The following CFAP46 variants were observed in gnomAD, a reference collection of about 807,000 sequenced individuals.
CFAP46 encodes the protein cilia and flagella associated protein 46, also known as cilia- and flagella-associated protein 46.
Under a neutral mutation model 325.7 loss-of-function variants are expected in CFAP46, and 245 were observed. The ratio of observed to expected loss-of-function variants is 0.75; its 90% CI spans 0.68 to 0.84. CFAP46 has a LOEUF of 0.84. Among genes scored for constraint, CFAP46 ranks in the 40% least tolerant of loss-of-function variants. The pLI, the probability that CFAP46 is intolerant of heterozygous loss-of-function variation, is 0.00. For synonymous variants in CFAP46, 1,523 were observed against 1,495.9 expected, an observed-to-expected ratio of 1.02 and a Z score of -0.42; for missense variants, 3,346 against 3,543.0, an observed-to-expected ratio of 0.94 and a Z score of 1.41.
chr10:132,836,747 G>C (rs7915312), intron 45 of CFAP46, 70 bp downstream of exon 45: 108,368 of 1,339,216 alleles, frequency 0.081, 4,959 homozygotes, highest in African/African-American at 0.11. Context: ...GCAGCCCACG[G>C]CTGGGTCTCT....
Position 132,937,031 on chromosome 10 carries a change from G to A in CFAP46, c.685C>T (p.Leu229Phe). 1 of 1,532,800 alleles carries A rather than the reference G, an allele frequency of 6.5e-7. No individual in the cohort carries two copies. The highest frequency in any genetic ancestry group is 2.3e-5 in the East Asian group (1 of 43,184). The allele number at this position is 1,532,800 out of a possible 1,614,324, so 94.9% of individuals were successfully genotyped here. A position where few individuals can be genotyped will look rare whatever the true frequency, so the allele number is the denominator to read the frequency against. ...TTTTTCTTTTCTTCCTTTAACTGAA[G>A]TTCGTCCATTAATTCATGACGAACC... ...VMVRHELMDE[L>F]QLKEEKKNSI... Residue 229 changes from leucine to phenylalanine, a missense_variant, in exon 7 of 58, where the codon CTT becomes TTT. Transcript: ENST00000368586.
chr10:132,850,870 T>C (rs956651080), intron 40 of CFAP46, among the ~76,000 whole-genome samples: 3 of 152,026 alleles, frequency 2.0e-5, no homozygotes, highest in Non-Finnish European at 4.4e-5. Context: ...AATTCATGAG[T>C]CGGGAAGGGC....
At chr10:132,893,567 CT>C (rs2135450423) in intron 24 of CFAP46, among the ~76,000 whole-genome samples, 1 of 152,322 alleles carries the variant, frequency 6.6e-6, no homozygotes, top group Non-Finnish European at 1.5e-5. Context: ...AAAATCCTGC[CT>C]TTCTCACCCT....
At chr10:132,874,849 A>C (rs1848938704) in intron 31 of CFAP46, among the ~76,000 whole-genome samples, 1 of 152,250 alleles carries the variant, frequency 6.6e-6, no homozygotes. Context: ...CCTTTGAGAT[A>C]GGATGTGCAA....
At chr10:132,892,936 T>C (rs1849274372) in intron 24 of CFAP46, among the ~76,000 whole-genome samples, 1 of 152,140 alleles carries the variant, frequency 6.6e-6, no homozygotes, top group South Asian at 2.1e-4. Flanking sequence ...CATCAGGTGA[T>C]GGTCAGGCAG....
chr10:132,915,599 GCCGTGC>G (rs1849625385), intron 17 of CFAP46, among the ~76,000 whole-genome samples: 1 of 151,450 alleles, frequency 6.6e-6, no homozygotes, highest in Admixed American at 6.6e-5. Flanking sequence ...AGGGCGGGGC[GCCGTGC>G]CCAGCTTCTG....
At chr10:132,913,368 G>T (rs1407376329) in intron 17 of CFAP46, 110 bp from the exon 18 acceptor site, 1 of 540,494 alleles carries the variant, frequency 1.9e-6, no homozygotes, top group Non-Finnish European at 3.3e-6. Flanking sequence ...CAAGAAGTGG[G>T]AGGGGCGGGT....
rs562564159 is a variant in CFAP46, at chr10:132,868,181, G to C, written c.4611-674C>G. On this transcript the variant is annotated intron_variant, in intron 33 of 57. Coordinates refer to ENST00000368586, the MANE Select transcript of CFAP46 (RefSeq NM_001200049.3). ...GGCCACGCGCGTTCCAAGTCGAGGT[G>C]CCCCTTGCCGCCGAGACGTCGCTGC... Among the ~76,000 whole-genome samples, 1,407 of 152,222 alleles carry C rather than the reference G, an allele frequency of 9.2e-3. 12 individuals carry two copies. Among genetic ancestry groups the C allele is most frequent in the South Asian group, 0.044 (210 of 4,818 alleles).
intron 39 of CFAP46, among the ~76,000 whole-genome samples, chr10:132,851,825 A>G (rs7090577): frequency 0.66 from 94,889 of 143,294 alleles, 32,208 homozygotes; most frequent in African/African-American, 0.82. Context: ...CAAGGTATCC[A>G]CAGATCCTGA....
chr10:132,921,507 CT>C (rs1268214156), intron 13 of CFAP46, among the ~76,000 whole-genome samples: 1 of 152,232 alleles, frequency 6.6e-6, no homozygotes, highest in Non-Finnish European at 1.5e-5. Context: ...ATGGCTTCAG[CT>C]TTGACCCCCG....
At chr10:132,882,190 G>A (rs1163912761) in intron 27 of CFAP46, among the ~76,000 whole-genome samples, 2 of 148,114 alleles carry the variant, frequency 1.4e-5, no homozygotes, top group East Asian at 4.0e-4. Flanking sequence ...TGGGGTGTGA[G>A]TGGGATGTGG....
At position 132,831,554 on chromosome 10, in the gene CFAP46, C is replaced by T. The variant is rs144511819; in HGVS notation, c.7117+1804G>A. Among the ~76,000 whole-genome samples the T allele has an allele frequency of 3.9e-3, 591 of 152,290 alleles. 6 individuals carry two copies. The highest frequency in any genetic ancestry group is 0.013 in the African/African-American group (560 of 41,558). On this transcript the variant is annotated intron_variant, in intron 50 of 57. Coordinates refer to ENST00000368586, the MANE Select transcript of CFAP46 (RefSeq NM_001200049.3). ...CCACCTTTTTCTAATTTAATCTCACCATGCCAACCTTCTTTGGATACTAAG... is the reference window on the plus strand; with the variant it reads ...CCACCTTTTTCTAATTTAATCTCACTATGCCAACCTTCTTTGGATACTAAG...
At chr10:132,910,781 T>A (rs1849529733) in intron 19 of CFAP46, among the ~76,000 whole-genome samples, 1 of 152,168 alleles carries the variant, frequency 6.6e-6, no homozygotes. Flanking sequence ...CGTCCTTCCC[T>A]TTCCTCCCCT....
In CFAP46 at chr10:132,926,585, T is replaced by C. The variant is rs1564803361; in HGVS notation, c.1048A>G (p.Asn350Asp). ...GGACTGACCTCAACAGCCGCTCGGT[T>C]GTACACTTTCATCTTACTTTCAAGT... ...LRLESKMKVY[N>D]RAAVEAQLDI... The change falls in exon 10 of 58, where the codon AAC (asparagine) becomes GAC (aspartate). Residue 350 changes from asparagine to aspartate, a missense_variant. Physicochemically the swap from Asn to Asp is conservative, Grantham distance 23. Coordinates refer to ENST00000368586, the MANE Select transcript of CFAP46 (RefSeq NM_001200049.3). 6.5e-7 allele frequency: 1 copy of C among 1,536,086 alleles called. No homozygotes were observed. Among genetic ancestry groups the C allele is most frequent in the Non-Finnish European group, 8.7e-7 (1 of 1,146,826 alleles).
rs980504204 is a variant in CFAP46, at chr10:132,847,866, C to T, written c.5953-545G>A. 3.3e-5 allele frequency among the ~76,000 whole-genome samples: 5 copies of T among 152,110 alleles called. No individual in the cohort carries two copies. Among genetic ancestry groups the T allele is most frequent in the Non-Finnish European group, 5.9e-5 (4 of 68,034 alleles). On this transcript the variant is annotated intron_variant, in intron 41 of 57. Coordinates refer to ENST00000368586, the MANE Select transcript of CFAP46 (RefSeq NM_001200049.3). The surrounding 1 kb of genome is among the most constrained non-coding windows in gnomAD (Gnocchi z 5.2). ...TCTATATATGCACCCAATGATCAGG[C>T]GTCAAAATAAAAACACTGATAGAAA...
chr10:132,843,500 A>G (rs1415331482), intron 44 of CFAP46, among the ~76,000 whole-genome samples: 319 of 58,596 alleles, frequency 5.4e-3, no homozygotes, highest in East Asian at 8.4e-3. Context: ...AGGGTGCTGT[A>G]GGGCTGCTGC....
At chr10:132,908,441 A>G (rs944583438) in intron 22 of CFAP46, 27 bp downstream of exon 22, 10 of 1,549,286 alleles carry the variant, frequency 6.5e-6, no homozygotes, top group Non-Finnish European at 8.7e-6. Flanking sequence ...TTTTGAGGGA[A>G]TTTGTCCAGT....
chr10:132,891,088 G>T (rs568935484), intron 25 of CFAP46, among the ~76,000 whole-genome samples: 4 of 152,114 alleles, frequency 2.6e-5, no homozygotes, highest in African/African-American at 9.7e-5. Flanking sequence ...GTGTGTCCAC[G>T]TTTTTTGTGG....
chr10:132,938,845 T>G, intron 4 of CFAP46, 92 bp from the exon 5 acceptor site: 1 of 1,282,304 alleles, frequency 7.8e-7, no homozygotes, highest in Non-Finnish European at 1.1e-6. Context: ...CCGGAGCCCC[T>G]CCCAGGAGGG....
Sources: allele counts gnomAD v4.1 joint callset (sites outside exome capture counted in the v4.1 genomes callset), GRCh38; gene constraint gnomAD v4.1.1; non-coding constraint Gnocchi (gnomAD v3.1); transcripts MANE v1.5; gene names NCBI Gene and HGNC (gene_info 2026-07-23, HGNC 2026-07-21).